The following CSMD1 variants were observed in gnomAD, a reference collection of about 807,000 sequenced individuals.
The protein encoded by CSMD1 is CUB and sushi domain-containing protein 1.
CSMD1 carries 213 observed loss-of-function variants against 417.5 expected under a neutral mutation model. That is an observed-to-expected ratio of 0.51 (90% CI 0.46 to 0.57). The LOEUF is 0.57. Ranked by LOEUF, CSMD1 falls within the 20% of genes least tolerant of loss-of-function variation. CSMD1 has a pLI of 0.00. For synonymous variants in CSMD1, 2,862 were observed against 1,736.8 expected (o/e 1.65, Z -16.11); for missense variants, 6,923 against 4,529.7 (o/e 1.53, Z -15.17).
chr8:3,766,863 G>C (rs967053231), intron 5 of CSMD1, among the ~76,000 whole-genome samples: 15 of 151,934 alleles, frequency 9.9e-5, no homozygotes, highest in African/African-American at 3.6e-4. Flanking sequence ...CTTTTTTCTA[G>C]CAAATTTCTT....
chr8:4,755,641 GC>G (rs1811620513), intron 1 of CSMD1, among the ~76,000 whole-genome samples: 2 of 152,240 alleles, frequency 1.3e-5, no homozygotes, highest in African/African-American at 4.8e-5. Flanking sequence ...CCCAGAATCT[GC>G]CAAACACATC....
At chr8:4,199,465 C>G (rs1365529118) in intron 3 of CSMD1, among the ~76,000 whole-genome samples, 2 of 152,106 alleles carry the variant, frequency 1.3e-5, no homozygotes, top group African/African-American at 4.8e-5. Context: ...TCCTGAGAAA[C>G]TCCAATTAAA....
intron 3 of CSMD1, among the ~76,000 whole-genome samples, chr8:4,269,035 T>C (rs1804402237): frequency 6.6e-6 from 1 of 152,212 alleles, no homozygotes; most frequent in Admixed American, 6.5e-5. Context: ...AGGTGCATTT[T>C]CCAAGGTATC....
At chr8:3,494,915 G>C (rs117539710) in intron 10 of CSMD1, among the ~76,000 whole-genome samples, 2 of 152,150 alleles carry the variant, frequency 1.3e-5, no homozygotes, top group African/African-American at 4.8e-5. Flanking sequence ...AGAGAAGACA[G>C]ACTTCCCACT....
At chr8:4,641,399 T>G (rs1435629887) in intron 1 of CSMD1, among the ~76,000 whole-genome samples, 2 of 152,128 alleles carry the variant, frequency 1.3e-5, no homozygotes, top group East Asian at 3.9e-4. Flanking sequence ...AGATAAGTCC[T>G]TAATACCACA....
chr8:4,539,958 G>A (rs1406636581), intron 2 of CSMD1, among the ~76,000 whole-genome samples: 4 of 152,102 alleles, frequency 2.6e-5, no homozygotes, highest in Non-Finnish European at 5.9e-5. Context: ...ACTCCGCCCC[G>A]TCCAGGTGCT....
At chr8:3,021,307 G>A (rs1376860663) in intron 51 of CSMD1, among the ~76,000 whole-genome samples, 1 of 152,154 alleles carries the variant, frequency 6.6e-6, no homozygotes, top group Non-Finnish European at 1.5e-5. Context: ...TTCAGTAGCT[G>A]AATAATAGAA....
chr8:3,707,608 A>T (rs556788171), intron 7 of CSMD1, among the ~76,000 whole-genome samples: 3 of 152,210 alleles, frequency 2.0e-5, no homozygotes, highest in African/African-American at 7.2e-5. Context: ...GCTGGTACCC[A>T]GTAACTGTTA....
chr8:4,247,994 G>C (rs1248281708), intron 3 of CSMD1, among the ~76,000 whole-genome samples: 1 of 152,120 alleles, frequency 6.6e-6, no homozygotes, highest in Admixed American at 6.5e-5. Flanking sequence ...TTCAGTTTAA[G>C]TTGGCTCTCC....
At chr8:3,112,430 C>G (rs1386454356) in intron 42 of CSMD1, among the ~76,000 whole-genome samples, 1 of 152,186 alleles carries the variant, frequency 6.6e-6, no homozygotes, top group Non-Finnish European at 1.5e-5. Flanking sequence ...TCGTTCCCAC[C>G]TCTTAAAGGG....
chr8:3,139,268 C>T lies in CSMD1; in HGVS notation c.6241+3197G>A, dbSNP rs75766659. Among the ~76,000 whole-genome samples the T allele has an allele frequency of 4.3e-3, 654 of 152,142 alleles. 4 individuals are homozygous for T. Among genetic ancestry groups the T allele is most frequent in the African/African-American group, 0.014 (597 of 41,500 alleles). ...GCTTTGAATCCAGGAGTTTGAATCACGGAAAGCATAGGATGGAAATATAGG... is the reference window on the plus strand; with the variant it reads ...GCTTTGAATCCAGGAGTTTGAATCATGGAAAGCATAGGATGGAAATATAGG... On this transcript the variant is annotated intron_variant, in intron 41 of 69. Transcript: ENST00000635120.
intron 23 of CSMD1, among the ~76,000 whole-genome samples, chr8:3,341,158 T>C (rs1374752562): frequency 1.3e-5 from 2 of 152,148 alleles, no homozygotes; most frequent in African/African-American, 2.4e-5. Flanking sequence ...CAGGCAGGGC[T>C]GAGCCTCGCC....
chr8:3,473,988 T>C (rs1003710093), intron 11 of CSMD1, among the ~76,000 whole-genome samples: 2 of 152,002 alleles, frequency 1.3e-5, no homozygotes, highest in African/African-American at 2.4e-5. Context: ...TAGTAAAAAC[T>C]CCTTCACCAT....
chr8:4,314,430 C>T (rs959617448), intron 3 of CSMD1, among the ~76,000 whole-genome samples: 3 of 152,192 alleles, frequency 2.0e-5, no homozygotes, highest in East Asian at 3.9e-4. Context: ...TTTCAGGAAG[C>T]AGTATGGGGT....
chr8:4,957,421 C>T (rs1396257482), intron 1 of CSMD1, among the ~76,000 whole-genome samples: 1 of 152,148 alleles, frequency 6.6e-6, no homozygotes, highest in Admixed American at 6.5e-5. Context: ...GGTCGGAAAC[C>T]CTATGTAACA....
intron 3 of CSMD1, among the ~76,000 whole-genome samples, chr8:4,189,302 G>C (rs754461481): frequency 1.3e-5 from 2 of 152,262 alleles, no homozygotes; most frequent in East Asian, 3.9e-4. Flanking sequence ...AAAACATGTT[G>C]AGTAAATCAA....
At chr8:3,676,403 A>G (rs1799377404) in intron 7 of CSMD1, among the ~76,000 whole-genome samples, 1 of 152,192 alleles carries the variant, frequency 6.6e-6, no homozygotes, top group Non-Finnish European at 1.5e-5. Context: ...ACCAAGCACC[A>G]TGCTGGACAC....
chr8:3,649,857 A>G (rs1277421723), intron 7 of CSMD1, among the ~76,000 whole-genome samples: 7 of 152,332 alleles, frequency 4.6e-5, no homozygotes, highest in South Asian at 2.1e-4. Flanking sequence ...TGTTTTCTCA[A>G]TGTTTAACCT....
intron 7 of CSMD1, among the ~76,000 whole-genome samples, chr8:3,637,216 C>A (rs181296400): frequency 3.3e-5 from 5 of 152,306 alleles, no homozygotes; most frequent in East Asian, 3.9e-4. Context: ...CATATTCTAA[C>A]TTTTACTAGG....
Sources: gnomAD v4.1 joint callset for allele counts (sites outside exome capture counted in the v4.1 genomes callset) on GRCh38, gnomAD v4.1.1 for gene constraint, MANE v1.5 for transcripts, NCBI Gene and HGNC (gene_info 2026-07-23, HGNC 2026-07-21) for gene names.